Variants in C6 observed in about 807,000 individuals in gnomAD.
C6 encodes complement component C6.
C6 carries 101 observed loss-of-function variants against 112.9 expected under a neutral mutation model. The observed-to-expected ratio is 0.89, with a 90% CI of 0.76 to 1.06. The LOEUF is 1.06. Ranked by LOEUF, C6 falls within the 50% of genes least tolerant of loss-of-function variation. The pLI, the probability that C6 is intolerant of heterozygous loss-of-function variation, is 0.00. For synonymous variants in C6, 431 were observed against 384.1 expected, an observed-to-expected ratio of 1.12 and a Z score of -1.43; for missense variants, 1,202 against 1,104.6, an observed-to-expected ratio of 1.09 and a Z score of -1.25.
Position 41,153,810 on chromosome 5 carries a change from CT to C in C6, c.2289del (p.Asp764IlefsTer3). 1 of 1,611,522 alleles carries C rather than the reference CT, an allele frequency of 6.2e-7. No homozygotes were observed. Among genetic ancestry groups the C allele is most frequent in the Non-Finnish European group, 8.5e-7 (1 of 1,178,632 alleles). ...CCCAGAACACTGAGCTGCTACTCAC[CT>C]TTTTCACAGGTGAGAGAGTTTGAAA... is the stretch of plus-strand genomic sequence containing the variant. ...PPISNSLTCE[K>X]DTLTKLKGHC... On this transcript the variant is annotated frameshift_variant and splice_region_variant, in exon 15 of 18. Coordinates refer to ENST00000337836, the MANE Select transcript of C6 (RefSeq NM_000065.5). LOFTEE classifies it high-confidence loss of function.
rs755979548 is a variant in C6 at position 41,160,286 on chromosome 5, A to G, written c.1540T>C (p.Tyr514His). The G allele has an allele frequency of 1.2e-6, 2 of 1,613,708 alleles. No homozygotes were observed. The highest frequency in any genetic ancestry group is 1.7e-6 in the Non-Finnish European group (2 of 1,179,826). Reference protein sequence around the residue: ...RNNLRKALQEYAAKFDPCQCA... With the variant: ...RNNLRKALQEHAAKFDPCQCA... ...TGGCAAGGATCGAACTTGGCTGCAT[A>G]CTCTTGCAAAGCTTTCCTGAGGTTG... Residue 514 changes from tyrosine (Y) to histidine (H), a missense_variant, in exon 11 of 18, where the codon TAT becomes CAT. Tyr to His is a moderately conservative substitution (Grantham distance 83). Transcript: ENST00000337836.
intron 4 of C6, among the ~76,000 whole-genome samples, chr5:41,198,863 A>G (rs1750800377): frequency 6.6e-6 from 1 of 152,146 alleles, no homozygotes; most frequent in Non-Finnish European, 1.5e-5. Flanking sequence ...TACTCTGGAT[A>G]TAATGATCAG....
rs61734263 is a variant in C6, at chr5:41,181,476, T to G, written c.810A>C (p.Ser270=). 1 of 1,613,760 alleles carries G rather than the reference T, an allele frequency of 6.2e-7. No individual in the cohort carries two copies. Among genetic ancestry groups the G allele is most frequent in the East Asian group, 2.2e-5 (1 of 44,792 alleles). The change falls in exon 7 of 18, where the codon TCA becomes TCC. Residue 270 remains serine, a synonymous_variant. Coordinates refer to ENST00000337836, the MANE Select transcript of C6 (RefSeq NM_000065.5). ...SLGHNENQQG[S]FSSQGGSSFS... is the part of the protein sequence containing the mutation. The stretch of plus-strand genomic sequence containing the variant: ...AAGAGCTCCCCCCCTGACTTGAGAA[T>G]GAGCCTTGTTGATTTTCATTGTGTC...
chr5:41,158,648 C>A (rs772896361), intron 13 of C6, 26 bp downstream of exon 13: 7 of 1,346,566 alleles, frequency 5.2e-6, no homozygotes, highest in Admixed American at 1.7e-5. Context: ...AAACTACAAA[C>A]CAAAAGTGAG....
intron 8 of C6, among the ~76,000 whole-genome samples, chr5:41,174,791 T>C (rs1748703384): frequency 6.6e-6 from 1 of 152,196 alleles, no homozygotes; most frequent in African/African-American, 2.4e-5. Context: ...AAATTAAATC[T>C]ATACTTTAGT....
Position 41,172,352 on chromosome 5 carries a change from G to A in C6, c.1169-5C>T, listed in dbSNP as rs748509362. ...TGGCTTCTTCCTCGGTTAAACCTAG[G>A]AGATGAAGTACAAACAGAAACCACT... On this transcript the variant is annotated splice_polypyrimidine_tract_variant and splice_region_variant and intron_variant, in intron 8 of 17. Coordinates refer to ENST00000337836, the MANE Select transcript of C6 (RefSeq NM_000065.5). 1.9e-6 allele frequency: 3 copies of A among 1,613,274 alleles called. No individual in the cohort carries two copies. Among genetic ancestry groups the A allele is most frequent in the African/African-American group, 1.3e-5 (1 of 74,868 alleles).
intron 1 of C6, among the ~76,000 whole-genome samples, chr5:41,238,685 T>C (rs1580243494): frequency 6.6e-6 from 1 of 152,314 alleles, no homozygotes; most frequent in East Asian, 1.9e-4. Context: ...TCTGACATCA[T>C]GAATAATTTC....
intron 17 of C6, among the ~76,000 whole-genome samples, chr5:41,146,491 T>A (rs1745838236): frequency 6.6e-6 from 1 of 152,196 alleles, no homozygotes. Flanking sequence ...TCTTCATAAA[T>A]GCTATCATTT....
chr5:41,236,936 A>G (rs1740354050), intron 1 of C6, among the ~76,000 whole-genome samples: 1 of 151,130 alleles, frequency 6.6e-6, no homozygotes, highest in Non-Finnish European at 1.5e-5. Flanking sequence ...CCATCAGAGA[A>G]TACTACAAAC....
intron 1 of C6, among the ~76,000 whole-genome samples, chr5:41,212,357 C>T (rs181716743): frequency 2.0e-5 from 3 of 152,148 alleles, no homozygotes; most frequent in African/African-American, 7.2e-5. Flanking sequence ...CTCGGGGTTT[C>T]ACCATTTTGG....
intron 7 of C6, among the ~76,000 whole-genome samples, chr5:41,179,520 T>C (rs1749143616): frequency 6.6e-6 from 1 of 152,042 alleles, no homozygotes; most frequent in African/African-American, 2.4e-5. Flanking sequence ...CCAGGTATTC[T>C]GAATTAGTAG....
intron 17 of C6, 62 bp from the exon 18 acceptor site, chr5:41,143,068 T>G: frequency 6.7e-7 from 1 of 1,489,328 alleles, no homozygotes; most frequent in East Asian, 2.3e-5. Flanking sequence ...TGGCTTTATC[T>G]AAATCATCCC....
Position 41,183,066 on chromosome 5 carries a change from C to T in C6, c.727-1507G>A, listed in dbSNP as rs183334003. Among the ~76,000 whole-genome samples, 12 of 152,310 alleles carry T rather than the reference C, an allele frequency of 7.9e-5. No individual in the cohort carries two copies. The East Asian group carries it at 2.3e-3, about 29-fold the overall frequency. On this transcript the variant is annotated intron_variant, in intron 6 of 17. Coordinates refer to ENST00000337836, the MANE Select transcript of C6 (RefSeq NM_000065.5). ...GCTCTCTGGGAAGGGGAAGAAAGCC[C>T]TGATTTGCTATAGCATTTTTCTTTT... is the stretch of plus-strand genomic sequence containing the variant.
intron 1 of C6, among the ~76,000 whole-genome samples, chr5:41,211,992 C>A (rs956001908): frequency 6.6e-6 from 1 of 152,056 alleles, no homozygotes; most frequent in African/African-American, 2.4e-5. Flanking sequence ...ATTCTGATCG[C>A]TCTTTAAGCT....
At chr5:41,251,361 A>T (rs111520528) in intron 1 of C6, among the ~76,000 whole-genome samples, 1,532 of 152,200 alleles carry the variant, frequency 0.01, 33 homozygotes, top group African/African-American at 0.035. Context: ...ATATATATAT[A>T]TTTTCTACCA....
intron 9 of C6, among the ~76,000 whole-genome samples, chr5:41,164,839 T>C (rs549836896): frequency 6.6e-6 from 1 of 152,288 alleles, no homozygotes; most frequent in South Asian, 2.1e-4. Flanking sequence ...TAAATTTTTA[T>C]ACTGAAGTAT....
chr5:41,204,659 C>CTTTT (rs56809256), intron 1 of C6, among the ~76,000 whole-genome samples: 18 of 133,324 alleles, frequency 1.4e-4, no homozygotes, highest in African/African-American at 4.0e-4. Flanking sequence ...AATCAGTAAG[C>CTTTT]TTTTTTTTTT....
intron 13 of C6, among the ~76,000 whole-genome samples, chr5:41,157,521 T>C (rs1360203973): frequency 6.6e-6 from 1 of 152,222 alleles, no homozygotes; most frequent in Non-Finnish European, 1.5e-5. Context: ...ATAGACGATA[T>C]GTAAACATAT....
chr5:41,166,050 T>G (rs1391410721), intron 9 of C6, among the ~76,000 whole-genome samples: 2 of 152,142 alleles, frequency 1.3e-5, no homozygotes, highest in African/African-American at 4.8e-5. Context: ...GAAAACTGCA[T>G]AGTATATCAG....
Sources: gnomAD v4.1 joint callset for allele counts (sites outside exome capture counted in the v4.1 genomes callset) on GRCh38, gnomAD v4.1.1 for gene constraint, MANE v1.5 for transcripts, NCBI Gene and HGNC (gene_info 2026-07-23, HGNC 2026-07-21) for gene names.